Variants in ACOT1 observed in about 807,000 individuals in gnomAD.
ACOT1 encodes the protein acyl-CoA thioesterase 1.
A neutral mutation model predicts 15.7 loss-of-function variants in ACOT1; 8 were observed. The observed-to-expected ratio is 0.51, with a 90% CI of 0.30 to 0.92. ACOT1 has a LOEUF of 0.92. Ranked by LOEUF, ACOT1 falls within the 40% of genes least tolerant of loss-of-function variation. The probability of loss-of-function intolerance (pLI) is 0.06; values close to 1 mark genes in which losing one functional copy is unlikely to be tolerated. For missense variants in ACOT1, 151 were observed against 539.4 expected (o/e 0.28, Z 7.13); for synonymous variants, 67 against 241.2 (o/e 0.28, Z 6.69).
chr14:73,504,387 T>C, the ACOT1 span, among the ~76,000 whole-genome samples: 1 of 151,884 alleles, frequency 6.6e-6, no homozygotes, highest in Admixed American at 6.6e-5. Flanking sequence ...GGACTACAGG[T>C]GCCTGCCACC....
the ACOT1 span, among the ~76,000 whole-genome samples, chr14:73,528,057 A>G: frequency 2.0e-5 from 3 of 152,092 alleles, no homozygotes; most frequent in African/African-American, 7.2e-5. Context: ...TTACAATGCA[A>G]ACATCCCAGA....
the ACOT1 span, chr14:73,492,462 G>A: frequency 4.3e-6 from 7 of 1,613,746 alleles, no homozygotes; most frequent in Non-Finnish European, 5.9e-6. The surrounding 1 kb of genome is among the most constrained non-coding windows in gnomAD (Gnocchi z 4.9). Context: ...GAGAAGGTGC[G>A]GGTCTTGGTT....
the ACOT1 span, among the ~76,000 whole-genome samples, chr14:73,506,802 C>CTTTTTTTTTTTTTTTTTT: frequency 8.3e-4 from 48 of 57,944 alleles, no homozygotes; most frequent in East Asian, 5.6e-3. Context: ...CTGACTTTAA[C>CTTTTTTTTTTTTTTTTTT]TGTTTTTTTT....
At chr14:73,492,870 AC>A in the ACOT1 span, 1 of 1,613,864 alleles carries the variant, frequency 6.2e-7, no homozygotes, top group Non-Finnish European at 8.5e-7. This position sits in a 1 kb window ranked among gnomAD's most constrained non-coding sequence, Gnocchi z 4.9. Flanking sequence ...AGTGTGGAGG[AC>A]CAGCTGTCCT....
the ACOT1 span, among the ~76,000 whole-genome samples, chr14:73,505,343 C>T: frequency 2.6e-5 from 4 of 151,954 alleles, no homozygotes; most frequent in Non-Finnish European, 5.9e-5. Flanking sequence ...CTTATTGTTC[C>T]TACCATAGTG....
the ACOT1 span, chr14:73,499,198 C>T: frequency 2.0e-6 from 3 of 1,473,222 alleles, no homozygotes; most frequent in Admixed American, 1.7e-5. Context: ...GAACCAGAAA[C>T]AGCTGGGTGC....
Position 73,543,027 on chromosome 14 carries a change from T to G in ACOT1, c.661-23T>G, listed in dbSNP as rs1282024812. On this transcript the variant is annotated intron_variant, in intron 2 of 2. Coordinates refer to ENST00000311148, the MANE Select transcript of ACOT1 (RefSeq NM_001037161.2). Reference sequence around the variant, plus strand: ...ACTGTTTGTGGAGCCATTCTTCTTCTTTTTCCTTTGTCCCTTTCTCAGGTA... The same window carrying G: ...ACTGTTTGTGGAGCCATTCTTCTTCGTTTTCCTTTGTCCCTTTCTCAGGTA... 5 of 1,255,390 alleles carry G rather than the reference T, an allele frequency of 4.0e-6. 1 individual carries two copies. The African/African-American group carries it at 8.1e-5, about 20-fold the overall frequency. The allele number at this position is 1,255,390 out of a possible 1,614,324, so 77.8% of individuals were successfully genotyped here.
the ACOT1 span, chr14:73,508,003 C>G: frequency 3.6e-6 from 3 of 828,230 alleles, 1 homozygote; most frequent in Non-Finnish European, 5.9e-6. Context: ...GCCTCGGCCT[C>G]CCGAAGTGTT....
At chr14:73,491,306 T>G in the ACOT1 span, 1 of 1,528,500 alleles carries the variant, frequency 6.5e-7, no homozygotes, top group Non-Finnish European at 8.8e-7. Flanking sequence ...GCGAGAGCCA[T>G]ACGGCCACCT....
At chr14:73,507,116 T>TTTA in the ACOT1 span, among the ~76,000 whole-genome samples, 1 of 152,260 alleles carries the variant, frequency 6.6e-6, no homozygotes, top group African/African-American at 2.4e-5. Context: ...TGTCTTTAAC[T>TTTA]GTTTTTACCC....
upstream of ACOT1, among the ~76,000 whole-genome samples, chr14:73,533,405 G>A (rs1297480409): frequency 8.6e-5 from 10 of 116,016 alleles, 3 homozygotes; most frequent in Non-Finnish European, 1.1e-4. Context: ...TGGGCCAGGC[G>A]TGGTGGCTCA....
the ACOT1 span, among the ~76,000 whole-genome samples, chr14:73,501,360 C>T: frequency 1.3e-5 from 2 of 152,008 alleles, no homozygotes; most frequent in South Asian, 2.1e-4. Context: ...CTCCTGACCT[C>T]GTGATCTGCC....
At chr14:73,514,208 G>C in the ACOT1 span, 2 of 1,614,018 alleles carry the variant, frequency 1.2e-6, no homozygotes, top group Non-Finnish European at 1.7e-6. Flanking sequence ...GCAGTCCAGC[G>C]CAGGGCTCCT....
the ACOT1 span, chr14:73,503,014 C>T: frequency 1.9e-6 from 3 of 1,597,506 alleles, no homozygotes; most frequent in Admixed American, 3.3e-5. Flanking sequence ...GTTTCATATC[C>T]TATAAATAGG....
the ACOT1 span, among the ~76,000 whole-genome samples, chr14:73,510,071 C>A: frequency 1.7e-3 from 258 of 150,792 alleles, 1 homozygote; most frequent in African/African-American, 6.0e-3. Context: ...CCGTGTTAGC[C>A]AGGATGGTCT....
At chr14:73,535,700 C>T (rs71426979), upstream of ACOT1, among the ~76,000 whole-genome samples, 37,331 of 109,810 alleles carry the variant, frequency 0.34, 14,434 homozygotes, top group Admixed American at 0.49. Context: ...AGGATGGTGT[C>T]GATCTGCTGA....
the ACOT1 span, chr14:73,493,356 A>G: frequency 2.1e-6 from 1 of 481,542 alleles, no homozygotes; most frequent in Non-Finnish European, 3.8e-6. Context: ...TTAAATTTGT[A>G]TGAACCTTAG....
chr14:73,528,057 A>C, the ACOT1 span, among the ~76,000 whole-genome samples: 6 of 152,092 alleles, frequency 3.9e-5, no homozygotes, highest in African/African-American at 1.2e-4. Context: ...TTACAATGCA[A>C]ACATCCCAGA....
At chr14:73,497,680 G>A in the ACOT1 span, among the ~76,000 whole-genome samples, 1 of 152,082 alleles carries the variant, frequency 6.6e-6, no homozygotes, top group African/African-American at 2.4e-5. Context: ...AGGCTGGAGT[G>A]CAATGGCACC....
Sources: gnomAD v4.1 joint callset for allele counts (sites outside exome capture counted in the v4.1 genomes callset) on GRCh38, gnomAD v4.1.1 for gene constraint, Gnocchi (gnomAD v3.1) non-coding constraint, MANE v1.5 for transcripts, NCBI Gene and HGNC (gene_info 2026-07-23, HGNC 2026-07-21) for gene names.